U2SURP: variants seen among roughly 807,000 people sequenced by gnomAD.
U2SURP encodes the protein U2 snRNP-associated SURP motif-containing protein.
U2SURP carries 9 observed loss-of-function variants against 144.9 expected under a neutral mutation model. That is an observed-to-expected ratio of 0.06 (90% confidence interval 0.04 to 0.11). U2SURP has a LOEUF of 0.11. U2SURP is among the 10% of genes least tolerant of loss of function. The probability of loss-of-function intolerance (pLI) is 1.00; values close to 1 mark genes in which losing one functional copy is unlikely to be tolerated. For missense variants in U2SURP, 724 were observed against 1,226.7 expected, an observed-to-expected ratio of 0.59 and a Z score of 6.12; for synonymous variants, 408 against 396.8, an observed-to-expected ratio of 1.03 and a Z score of -0.33.
intron 12 of U2SURP, 58 bp downstream of exon 12, chr3:143,023,122 A>G (rs1329486046): frequency 1.4e-6 from 2 of 1,394,392 alleles, no homozygotes; most frequent in Non-Finnish European, 1.9e-6. Context: ...AAGCTGTGGT[A>G]GTATTTCTTT....
At chr3:143,049,292 A>T (rs1196424071) in intron 24 of U2SURP, among the ~76,000 whole-genome samples, 2 of 141,608 alleles carry the variant, frequency 1.4e-5, no homozygotes, top group Non-Finnish European at 3.1e-5. Flanking sequence ...AAAAAAAAAA[A>T]GAAAGAAAAT....
intron 13 of U2SURP, chr3:143,026,871 A>T (rs1445423713): frequency 4.5e-6 from 1 of 224,186 alleles, no homozygotes; most frequent in Non-Finnish European, 8.7e-6. Context: ...TTTGGAAAAT[A>T]AGTGACATTT....
intron 22 of U2SURP, 47 bp downstream of exon 22, chr3:143,038,250 T>A (rs1933916409): frequency 7.3e-7 from 1 of 1,372,000 alleles, no homozygotes; most frequent in African/African-American, 1.5e-5. Context: ...TACTTGTACG[T>A]TAATTATTGG....
In U2SURP at chr3:143,012,451, G is replaced by C. The variant is rs1936168810; in HGVS notation, c.222+98G>C. On this transcript the variant is annotated intron_variant, in intron 3 of 27. Coordinates refer to ENST00000473835, the MANE Select transcript of U2SURP (RefSeq NM_001080415.2). Reference sequence around the variant, plus strand: ...AGTGGTCGAATATTTGGTTTTGTATGTGTTTCATCTTATTCTATTTGAAAA... The same window carrying C: ...AGTGGTCGAATATTTGGTTTTGTATCTGTTTCATCTTATTCTATTTGAAAA... 4 of 1,208,914 alleles carry C rather than the reference G, an allele frequency of 3.3e-6. No individual in the cohort carries two copies. In the South Asian group the frequency reaches 6.8e-5, roughly 20 times the overall value. The allele number at this position is 1,208,914 out of a possible 1,614,324, so 74.9% of individuals were successfully genotyped here.
chr3:143,049,467 T>C (rs1934732140), intron 24 of U2SURP, among the ~76,000 whole-genome samples: 2 of 152,186 alleles, frequency 1.3e-5, no homozygotes, highest in African/African-American at 4.8e-5. Flanking sequence ...TGTTAGCATC[T>C]ACAGTAATTT....
chr3:143,020,268 T>G (rs931181068), intron 7 of U2SURP, among the ~76,000 whole-genome samples: 4 of 152,212 alleles, frequency 2.6e-5, no homozygotes, highest in African/African-American at 9.7e-5. Context: ...TTACTTAATG[T>G]CCAGAGTCCT....
At chr3:143,038,786 A>C (rs1014962927) in intron 22 of U2SURP, 108 bp from the exon 23 acceptor site, 2 of 730,980 alleles carry the variant, frequency 2.7e-6, no homozygotes, top group African/African-American at 1.9e-5. Flanking sequence ...GATTAAAAAA[A>C]CTTCTGTAAT....
chr3:143,055,006 C>T lies in U2SURP; in HGVS notation c.2838C>T (p.Ser946=). The T allele has an allele frequency of 6.2e-7, 1 of 1,609,472 alleles. No homozygotes were observed. Among genetic ancestry groups the T allele is most frequent in the Non-Finnish European group, 8.5e-7 (1 of 1,178,046 alleles). ...GTAGCAGTGGTAGACGAGTGAAATCCCCATCACCAAAATCGGAGCGATCAG... is the reference window on the plus strand; with the variant it reads ...GTAGCAGTGGTAGACGAGTGAAATCTCCATCACCAAAATCGGAGCGATCAG... ...SRSSSGRRVK[S]PSPKSERSER... is the part of the protein sequence containing the mutation. The change falls in exon 27 of 28, where the codon TCC becomes TCT. Residue 946 remains serine (S), a synonymous_variant. Coordinates refer to ENST00000473835, the MANE Select transcript of U2SURP (RefSeq NM_001080415.2).
At chr3:143,009,817 A>G (rs1169360705) in intron 1 of U2SURP, among the ~76,000 whole-genome samples, 1 of 152,204 alleles carries the variant, frequency 6.6e-6, no homozygotes, top group Non-Finnish European at 1.5e-5. Flanking sequence ...TTTTTTAAAT[A>G]ACATGAATCT....
intron 1 of U2SURP, 95 bp from the exon 2 acceptor site, chr3:143,010,720 A>C (rs1578114014): frequency 1.1e-6 from 1 of 885,528 alleles, no homozygotes; most frequent in East Asian, 2.8e-5. Flanking sequence ...AAATTGCCAG[A>C]AGTTAGGAAA....
intron 25 of U2SURP, among the ~76,000 whole-genome samples, chr3:143,051,308 C>G (rs1934840105): frequency 6.6e-6 from 1 of 152,086 alleles, no homozygotes; most frequent in Non-Finnish European, 1.5e-5. Context: ...AGCATGCTTT[C>G]AAAACTGGAA....
chr3:143,002,921 G>A (rs544675986), intron 1 of U2SURP, among the ~76,000 whole-genome samples: 32 of 151,852 alleles, frequency 2.1e-4, no homozygotes, highest in Non-Finnish European at 4.0e-4. Context: ...ACATTTTCTC[G>A]TCTCCCTCTC....
chr3:143,017,065 C>A, intron 6 of U2SURP, 90 bp downstream of exon 6: 1 of 1,344,142 alleles, frequency 7.4e-7, no homozygotes, highest in South Asian at 1.9e-5. Flanking sequence ...GGCTTTTTTT[C>A]GTTTTTGGTG....
intron 2 of U2SURP, 65 bp downstream of exon 2, chr3:143,010,924 C>A: frequency 1.7e-6 from 2 of 1,177,570 alleles, no homozygotes. Context: ...ATATGTATCC[C>A]TACATCAATG....
chr3:143,045,843 C>G (rs1934404034), intron 24 of U2SURP, among the ~76,000 whole-genome samples: 1 of 152,186 alleles, frequency 6.6e-6, no homozygotes, highest in African/African-American at 2.4e-5. Flanking sequence ...ATCTAATCTT[C>G]TCTTGTGTTT....
At chr3:143,013,502 T>C (rs1936214469) in intron 3 of U2SURP, among the ~76,000 whole-genome samples, 1 of 152,098 alleles carries the variant, frequency 6.6e-6, no homozygotes, top group Non-Finnish European at 1.5e-5. Flanking sequence ...GATTTTGTAA[T>C]TGGTTAGCTT....
chr3:143,044,874 C>T lies in U2SURP; in HGVS notation c.2544+1598C>T, dbSNP rs7640645. ...GTAAACAGACAGCATTTTGTTTTAA[C>T]CTTATGTAGAGTCAGCGTGGTGTCA... On this transcript the variant is annotated intron_variant, in intron 24 of 27. Coordinates refer to ENST00000473835, the MANE Select transcript of U2SURP (RefSeq NM_001080415.2). Among the ~76,000 whole-genome samples, 267 of 152,246 alleles carry T rather than the reference C, an allele frequency of 1.8e-3. 1 individual carries two copies. The highest frequency in any genetic ancestry group is 6.3e-3 in the African/African-American group (262 of 41,542).
chr3:143,024,493 CTAT>C (rs1287495903), intron 13 of U2SURP: 5 of 443,704 alleles, frequency 1.1e-5, no homozygotes, highest in Non-Finnish European at 2.2e-5. Context: ...GAAGAAATTC[CTAT>C]TATTGTCATG....
rs1210244217 is a variant in U2SURP, at chr3:143,058,546, A to C, written c.*2096A>C. On this transcript the variant is annotated 3_prime_UTR_variant, in exon 28 of 28. Coordinates refer to ENST00000473835, the MANE Select transcript of U2SURP (RefSeq NM_001080415.2). ...GAATATATATTCTGTGAAGTTTGTT[A>C]ATGTACATATTAGATTGTATTGGAT... The C allele has an allele frequency of 6.6e-6, 1 of 151,746 alleles. No homozygotes were observed. Among genetic ancestry groups the C allele is most frequent in the Non-Finnish European group, 1.5e-5 (1 of 67,782 alleles). The allele number at this position is 151,746 out of a possible 1,614,324, so 9.4% of individuals were successfully genotyped here.
Sources: allele counts gnomAD v4.1 joint callset (sites outside exome capture counted in the v4.1 genomes callset), GRCh38; gene constraint gnomAD v4.1.1; transcripts MANE v1.5; gene names NCBI Gene and HGNC (gene_info 2026-07-23, HGNC 2026-07-21).